DYNC2I2: variants seen among roughly 807,000 people sequenced by gnomAD.
DYNC2I2 encodes dynein 2 intermediate chain 2.
In DYNC2I2, 39 loss-of-function variants were observed where a neutral mutation model predicts 52.0. That is an observed-to-expected ratio of 0.75 (90% CI 0.58 to 0.98). The LOEUF is 0.98. DYNC2I2 is among the 50% of genes least tolerant of loss of function. The pLI is 0.00. For missense variants in DYNC2I2, 743 were observed against 728.4 expected (o/e 1.02, Z -0.23); for synonymous variants, 359 against 321.1 (o/e 1.12, Z -1.26).
chr9:128,637,240 G>C (rs1190409222), intron 2 of DYNC2I2, among the ~76,000 whole-genome samples: 1 of 152,206 alleles, frequency 6.6e-6, no homozygotes, highest in Non-Finnish European at 1.5e-5. Flanking sequence ...AAGCAAGGCC[G>C]ACCAGGCTCC....
chr9:128,680,613 G>A, the DYNC2I2 span, among the ~76,000 whole-genome samples: 2 of 151,620 alleles, frequency 1.3e-5, no homozygotes, highest in African/African-American at 2.4e-5. Flanking sequence ...TCCTGACCTC[G>A]TGATCTGCCT....
upstream of DYNC2I2, among the ~76,000 whole-genome samples, chr9:128,657,437 C>T (rs1860853702): frequency 6.6e-6 from 1 of 151,888 alleles, no homozygotes. Context: ...TGTCGTTCTG[C>T]CATTCCGCGC....
Position 128,636,427 on chromosome 9 carries a change from C to A in DYNC2I2, c.557G>T (p.Gly186Val). 1 of 1,604,962 alleles carries A rather than the reference C, an allele frequency of 6.2e-7. No individual in the cohort carries two copies. The highest frequency in any genetic ancestry group is 2.2e-5 in the East Asian group (1 of 44,606). Residue 186 changes from glycine to valine, a missense_variant, in exon 4 of 9, where the codon GGG becomes GTG. Transcript: ENST00000372715. Reference protein sequence around the residue: ...VACAYGRLDHGDWSTLKSFVC... With the variant: ...VACAYGRLDHVDWSTLKSFVC... ...GAAGGACTTAAGCGTGCTCCAGTCC[C>A]CATGGTCCAGCCTGTGCAGGGACAG...
In DYNC2I2 at chr9:128,636,958, AG is replaced by A; in HGVS notation, c.504del (p.Trp169GlyfsTer79). 2 of 1,613,388 alleles carry A rather than the reference AG, an allele frequency of 1.2e-6. No homozygotes were observed. Among genetic ancestry groups the A allele is most frequent in the African/African-American group, 2.7e-5 (2 of 75,058 alleles). On this transcript the variant is annotated frameshift_variant, in exon 3 of 9. Transcript: ENST00000372715. LOFTEE classifies it high-confidence loss of function. ...GCCACCACAGAGCCAGTGGAGTTCC[AG>A]GAGATGCTGGTCACATGCAGACCCT... ...QAQGLHVTSI[S>X]WNSTGSVVAC...
rs149225851 is a variant in DYNC2I2 at position 128,634,772 on chromosome 9, G to A, written c.1131C>T (p.Ser377=). 43 of 1,608,942 alleles carry A rather than the reference G, an allele frequency of 2.7e-5. No homozygotes were observed. Among genetic ancestry groups the A allele is most frequent in the African/African-American group, 4.0e-5 (3 of 74,854 alleles). The change falls in exon 7 of 9, where the codon TCC becomes TCT. Residue 377 remains serine, a synonymous_variant. Coordinates refer to ENST00000372715, the MANE Select transcript of DYNC2I2 (RefSeq NM_052844.4). ...ACTGTGCTGGGGCCCGCAGGGGCAC[G>A]GAGCTGGGCATCCGCGTGAGGGCTG... The part of the protein sequence containing the change: ...GEAALTRMPS[S]VPLRAPAQFT...
At position 128,634,817 on chromosome 9, in the gene DYNC2I2, A is replaced by G; in HGVS notation, c.1086T>C (p.Cys362=). ...GGGCTGCCTCTCCAGCTGCCAGGGA[A>G]CACTTGAGCGGGAAGCCGCCTTCCG... ...LGTEGGFPLK[C]SLAAGEAALT... The change falls in exon 7 of 9, where the codon TGT becomes TGC. Residue 362 remains cysteine, a synonymous_variant. Transcript: ENST00000372715. 1 of 1,613,312 alleles carries G rather than the reference A, an allele frequency of 6.2e-7. No individual in the cohort carries two copies.
At position 128,634,262 on chromosome 9, in the gene DYNC2I2, CT is replaced by C; in HGVS notation, c.1335del (p.Val446CysfsTer30). 6.2e-7 allele frequency: 1 copy of C among 1,613,876 alleles called. No homozygotes were observed. Among genetic ancestry groups the C allele is most frequent in the East Asian group, 2.2e-5 (1 of 44,886 alleles). ...LKYLFAVRWS[P>X]VRPLVFAAAS... ...GCAGCTGCAAAAACCAAGGGCCGCA[CT>C]GGGGACCAGCGCACAGCAAACAGAT... On this transcript the variant is annotated frameshift_variant, in exon 8 of 9. Coordinates refer to ENST00000372715, the MANE Select transcript of DYNC2I2 (RefSeq NM_052844.4). LOFTEE classifies it high-confidence loss of function.
rs16930544 is a variant in DYNC2I2, at chr9:128,633,987, A to C, written c.1373-5T>G. ...GATCAAACAGCTGCACGTCACCTGC[A>C]AAGAGAGACAGATACGTGGAGTAAG... On this transcript the variant is annotated splice_region_variant and splice_polypyrimidine_tract_variant and intron_variant, in intron 8 of 8. Coordinates refer to ENST00000372715, the MANE Select transcript of DYNC2I2 (RefSeq NM_052844.4). The C allele has an allele frequency of 1.5e-3, 2,498 of 1,612,932 alleles. 43 individuals are homozygous for C. The African/African-American group carries it at 0.028, about 18-fold the overall frequency.
the DYNC2I2 span, among the ~76,000 whole-genome samples, chr9:128,671,768 C>T: frequency 1.1e-4 from 16 of 151,090 alleles, no homozygotes; most frequent in Non-Finnish European, 1.8e-4. Flanking sequence ...TCTCCTGCCT[C>T]AGCCTCCCGA....
chr9:128,683,504 T>C, the DYNC2I2 span: 2 of 237,868 alleles, frequency 8.4e-6, no homozygotes, highest in African/African-American at 4.4e-5. Context: ...AAAAAGAGGA[T>C]AAGTTCTCAG....
At chr9:128,653,701 G>C (rs1262246814) in intron 1 of DYNC2I2, among the ~76,000 whole-genome samples, 1 of 145,556 alleles carries the variant, frequency 6.9e-6, no homozygotes, top group East Asian at 2.0e-4. Flanking sequence ...AGGCCACAGA[G>C]CGAGACTCTG....
chr9:128,645,090 C>A (rs1022995368), intron 1 of DYNC2I2, among the ~76,000 whole-genome samples: 19 of 152,114 alleles, frequency 1.2e-4, no homozygotes, highest in African/African-American at 4.6e-4. Context: ...GTGGCTCATG[C>A]CTGTAATCCC....
intron 2 of DYNC2I2, among the ~76,000 whole-genome samples, chr9:128,638,080 T>C (rs1024455108): frequency 1.3e-4 from 19 of 151,050 alleles, no homozygotes; most frequent in African/African-American, 4.6e-4. Context: ...CTACCAAAAA[T>C]ACAAAAATTA....
chr9:128,669,370 A>T, the DYNC2I2 span, among the ~76,000 whole-genome samples: 2 of 151,730 alleles, frequency 1.3e-5, no homozygotes, highest in African/African-American at 4.8e-5. Context: ...GTCTCAAAAA[A>T]ATTTAAGAAA....
At chr9:128,664,448 T>G in the DYNC2I2 span, among the ~76,000 whole-genome samples, 1 of 152,142 alleles carries the variant, frequency 6.6e-6, no homozygotes, top group Admixed American at 6.6e-5. Context: ...TGGTTCTGTG[T>G]AGGCAATTGT....
intron 7 of DYNC2I2, 93 bp downstream of exon 7, chr9:128,634,596 A>C (rs1860330528): frequency 7.3e-7 from 1 of 1,369,874 alleles, no homozygotes; most frequent in South Asian, 1.5e-5. Context: ...GAAGGCAAGC[A>C]CTTGAAGCAG....
intron 1 of DYNC2I2, among the ~76,000 whole-genome samples, chr9:128,643,001 T>C (rs1290725472): frequency 6.6e-6 from 1 of 151,884 alleles, no homozygotes; most frequent in East Asian, 1.9e-4. Context: ...CTTAGGGAGA[T>C]GGCGTTTGAG....
chr9:128,665,642 C>T, the DYNC2I2 span, among the ~76,000 whole-genome samples: 2 of 151,798 alleles, frequency 1.3e-5, no homozygotes, highest in Admixed American at 6.6e-5. Context: ...TGATGGCACA[C>T]GCCCGTAATC....
intron 1 of DYNC2I2, among the ~76,000 whole-genome samples, chr9:128,648,844 C>T (rs1860670929): frequency 6.6e-6 from 1 of 150,656 alleles, no homozygotes; most frequent in African/African-American, 2.4e-5. Flanking sequence ...CCAGAAGCTA[C>T]AGCCAGTCCA....
Sources: allele counts gnomAD v4.1 joint callset (sites outside exome capture counted in the v4.1 genomes callset), GRCh38; gene constraint gnomAD v4.1.1; transcripts MANE v1.5; gene names NCBI Gene and HGNC (gene_info 2026-07-23, HGNC 2026-07-21).